The following PEX6 variants were observed in gnomAD, a reference collection of about 807,000 sequenced individuals.
PEX6 encodes peroxisome biogenesis factor 6.
A neutral mutation model predicts 85.6 loss-of-function variants in PEX6; 55 were observed. That is an observed-to-expected ratio of 0.64 (90% CI 0.52 to 0.80). The LOEUF is 0.80. PEX6 is among the 30% of genes least tolerant of loss of function. PEX6 has a pLI of 0.00. For synonymous variants in PEX6, 519 were observed against 549.1 expected, an observed-to-expected ratio of 0.95 and a Z score of 0.77; for missense variants, 1,099 against 1,260.3, an observed-to-expected ratio of 0.87 and a Z score of 1.94.
At chr6:42,970,639 G>C (rs3293) in intron 3 of PEX6, among the ~76,000 whole-genome samples, 1 of 152,072 alleles carries the variant, frequency 6.6e-6, no homozygotes, top group Non-Finnish European at 1.5e-5. Context: ...GTTCTGGAAT[G>C]AAACAGTGAT....
rs146416679 is a variant in PEX6 at position 42,967,495 on chromosome 6, G to A, written c.1757C>T (p.Ala586Val). ...AGGCACCTCGAGCTCATGAGGAAAT[G>A]CTGTCTGCACATCAGCAGGCAGGTC... is the stretch of plus-strand genomic sequence containing the variant. ...AQDLPADVQT[A>V]FPHELEVPAL... Residue 586 changes from alanine to valine, a missense_variant, in exon 8 of 17, where the codon GCA (alanine) becomes GTA (valine). Ala to Val is a moderately conservative substitution (Grantham distance 64). Transcript: ENST00000304611. 92 of 1,610,182 alleles carry A rather than the reference G, an allele frequency of 5.7e-5. No homozygotes were observed. In the African/African-American group the frequency reaches 1.0e-3, roughly 18 times the overall value.
At position 42,969,931 on chromosome 6, in the gene PEX6, G is replaced by A. The variant is rs1275753932; in HGVS notation, c.1187C>T (p.Pro396Leu). The change falls in exon 4 of 17, where the codon CCA becomes CTA. Residue 396 changes from proline to leucine, a missense_variant. Pro to Leu is a moderately conservative substitution (Grantham distance 98). Around this residue, in one of 3 missense-constraint regions of PEX6, gnomAD observed 579 missense variants for 611.6 expected, o/e 0.95. Coordinates refer to ENST00000304611, the MANE Select transcript of PEX6 (RefSeq NM_000287.4). ...GGTGTCGGCCAAGTAGGCACTGGCT[G>A]GTCCATCTGGAGCTTCCCCAACTGT... ...KKTVGEAPDG[P>L]ASAYLADTTH... 9 of 1,614,062 alleles carry A rather than the reference G, an allele frequency of 5.6e-6. No individual in the cohort carries two copies. The highest frequency in any genetic ancestry group is 7.6e-6 in the Non-Finnish European group (9 of 1,180,044).
chr6:42,978,137 G>C, intron 1 of PEX6, 132 bp downstream of exon 1: 1 of 1,140,082 alleles, frequency 8.8e-7, no homozygotes, highest in Non-Finnish European at 1.3e-6. Flanking sequence ...GAGTCACCGC[G>C]CCCGGCTAGA....
chr6:42,969,685 C>A lies in PEX6; in HGVS notation c.1350G>T (p.Lys450Asn). ...TCACTCACCCTGGCTGGAGGCGAGG[C>A]TTCAGGACAGCACAGAGTTCAGACA... ...ALVSELCAVL[K>N]PRLQPGGALL... The change falls in exon 5 of 17, where the codon AAG becomes AAT. Residue 450 changes from lysine to asparagine, a missense_variant. Coordinates refer to ENST00000304611, the MANE Select transcript of PEX6 (RefSeq NM_000287.4). The A allele has an allele frequency of 6.2e-7, 1 of 1,612,914 alleles. No homozygotes were observed. The highest frequency in any genetic ancestry group is 1.1e-5 in the South Asian group (1 of 91,024).
intron 3 of PEX6, among the ~76,000 whole-genome samples, chr6:42,972,769 C>CA (rs3997649): frequency 2.4e-3 from 138 of 57,152 alleles, no homozygotes; most frequent in East Asian, 5.9e-3. Context: ...GACTCTGTCT[C>CA]AAAAAAAAAA....
chr6:42,972,504 C>T (rs997405178), intron 3 of PEX6, among the ~76,000 whole-genome samples: 2 of 152,178 alleles, frequency 1.3e-5, no homozygotes, highest in African/African-American at 4.8e-5. Context: ...GGTGCGGTGG[C>T]TCACGCCTGT....
At position 42,978,698 on chromosome 6, in the gene PEX6, T is replaced by C; in HGVS notation, c.453A>G (p.Pro151=). 1 of 1,548,710 alleles carries C rather than the reference T, an allele frequency of 6.5e-7. No homozygotes were observed. The highest frequency in any genetic ancestry group is 1.2e-5 in the South Asian group (1 of 85,466). Residue 151 remains proline (P), a synonymous_variant, in exon 1 of 17, where the codon CCA becomes CCG. Coordinates refer to ENST00000304611, the MANE Select transcript of PEX6 (RefSeq NM_000287.4). The stretch of plus-strand genomic sequence containing the variant: ...GCTCAGTCACAGCCAGCCGAGTCCC[T>C]GGGCCCAGCAGCCCTTGCAACGCCG... ...TRPALQGLLG[P]GTRLAVTELR...
chr6:42,971,607 C>A lies in PEX6; in HGVS notation c.1131-1620G>T, dbSNP rs1465109122. Among the ~76,000 whole-genome samples, 1 of 152,244 alleles carries A rather than the reference C, an allele frequency of 6.6e-6. No homozygotes were observed. Among genetic ancestry groups the A allele is most frequent in the Non-Finnish European group, 1.5e-5 (1 of 68,046 alleles). Reference sequence around the variant, plus strand: ...CAGTGGAATTCCTTTCCAGGGCTCACAGGAACTTCTGCAGGGCTTCCCTTC... The same window carrying A: ...CAGTGGAATTCCTTTCCAGGGCTCAAAGGAACTTCTGCAGGGCTTCCCTTC... On this transcript the variant is annotated intron_variant, in intron 3 of 16. Coordinates refer to ENST00000304611, the MANE Select transcript of PEX6 (RefSeq NM_000287.4). The surrounding 1 kb of genome is among the most constrained non-coding windows in gnomAD (Gnocchi z 4.4).
rs559993797 is a variant in PEX6 at position 42,969,156 on chromosome 6, C to A, written c.1368-171G>T. Among the ~76,000 whole-genome samples, 26 of 152,354 alleles carry A rather than the reference C, an allele frequency of 1.7e-4. No homozygotes were observed. In the South Asian group the frequency reaches 4.1e-3, roughly 24 times the overall value. On this transcript the variant is annotated intron_variant, in intron 5 of 16. Coordinates refer to ENST00000304611, the MANE Select transcript of PEX6 (RefSeq NM_000287.4). ...TGTAGTGAGGCTGTGTCTCCCACAC[C>A]ACCTGCGGTGCTCTGGCCGGGGCAT... is the stretch of plus-strand genomic sequence containing the variant.
intron 1 of PEX6, among the ~76,000 whole-genome samples, chr6:42,977,505 C>T (rs1770347494): frequency 6.6e-6 from 1 of 151,838 alleles, no homozygotes. Flanking sequence ...GAATATGGAT[C>T]AATAGGCCGG....
chr6:42,972,204 G>C (rs1341715927), intron 3 of PEX6, among the ~76,000 whole-genome samples: 4 of 152,242 alleles, frequency 2.6e-5, no homozygotes, highest in Admixed American at 6.5e-5. Flanking sequence ...GTATGAGTTA[G>C]TGCATCTATC....
At chr6:42,978,080 A>G (rs1384737739) in intron 1 of PEX6, among the ~76,000 whole-genome samples, 189 bp downstream of exon 1, 1 of 152,008 alleles carries the variant, frequency 6.6e-6, no homozygotes, top group Non-Finnish European at 1.5e-5. Flanking sequence ...CCCGACCCCA[A>G]GTGATCCGCT....
chr6:42,964,857 G>A lies in PEX6; in HGVS notation c.2739C>T (p.Asp913=). ...TAGCATCAGAGCAGAGAGAGTAGAG[G>A]TCCGCGCCCGTCAGCTGGGGAGGGC... is the stretch of plus-strand genomic sequence containing the variant. ...DCCPPQLTGA[D]LYSLCSDAMT... The change falls in exon 16 of 17, where the codon GAC becomes GAT. Residue 913 remains aspartate, a synonymous_variant. Coordinates refer to ENST00000304611, the MANE Select transcript of PEX6 (RefSeq NM_000287.4). The surrounding 1 kb of genome is among the most constrained non-coding windows in gnomAD (Gnocchi z 4.6). 6 of 1,614,176 alleles carry A rather than the reference G, an allele frequency of 3.7e-6. No individual in the cohort carries two copies. The highest frequency in any genetic ancestry group is 5.1e-6 in the Non-Finnish European group (6 of 1,180,024).
chr6:42,965,935 T>C lies in PEX6; in HGVS notation c.2362+109A>G. The C allele has an allele frequency of 2.8e-6, 4 of 1,412,288 alleles. No homozygotes were observed. The highest frequency in any genetic ancestry group is 1.2e-5 in the South Asian group (1 of 86,848). The allele number at this position is 1,412,288 out of a possible 1,614,324, so 87.5% of individuals were successfully genotyped here. On this transcript the variant is annotated intron_variant, in intron 12 of 16. Transcript: ENST00000304611. The surrounding 1 kb of genome is among the most constrained non-coding windows in gnomAD (Gnocchi z 5.0). ...CCCAGCTGGGCAGGAACCTGACTTG[T>C]AGAAAGGAGGATTAGGAATGATCAT... is the stretch of plus-strand genomic sequence containing the variant.
chr6:42,968,296 AG>A lies in PEX6; in HGVS notation c.1681del (p.Leu561SerfsTer58), dbSNP rs1200299979. 1.1e-5 allele frequency: 17 copies of A among 1,613,676 alleles called. No homozygotes were observed. The highest frequency in any genetic ancestry group is 1.4e-5 in the Non-Finnish European group (17 of 1,179,716). On this transcript the variant is annotated frameshift_variant, in exon 7 of 17. Transcript: ENST00000304611. LOFTEE classifies it high-confidence loss of function. ...LRHLLLNEDP[L>X]NSCPPLMVVA... Reference sequence around the variant, plus strand: ...CCCAGCTCTGTATAAGTACCTGTTGAGGGGGTCCTCATTGAGGAGGAGGTGA... The same window carrying A: ...CCCAGCTCTGTATAAGTACCTGTTGAGGGGTCCTCATTGAGGAGGAGGTGA...
At chr6:42,969,280 G>A (rs1051520856) in intron 5 of PEX6, among the ~76,000 whole-genome samples, 1 of 152,228 alleles carries the variant, frequency 6.6e-6, no homozygotes, top group African/African-American at 2.4e-5. Context: ...GGTATTGAGA[G>A]ACATTGTGGT....
chr6:42,969,239 A>G (rs1462818847), intron 5 of PEX6, among the ~76,000 whole-genome samples: 1 of 152,250 alleles, frequency 6.6e-6, no homozygotes, highest in Non-Finnish European at 1.5e-5. Flanking sequence ...TGTGCTGCCA[A>G]TAAAACCTCA....
Position 42,967,352 on chromosome 6 carries a change from C to T in PEX6, c.1884+16G>A. On this transcript the variant is annotated intron_variant, in intron 8 of 16. Transcript: ENST00000304611. ...GGACCTCCTAGGGAGGGCCAGTACT[C>T]TCCCTTGATACTCACTGCACACCGC... The T allele has an allele frequency of 6.2e-7, 1 of 1,609,344 alleles. No individual in the cohort carries two copies. The highest frequency in any genetic ancestry group is 8.5e-7 in the Non-Finnish European group (1 of 1,177,934).
chr6:42,975,179 A>C, intron 1 of PEX6, 141 bp from the exon 2 acceptor site: 1 of 757,252 alleles, frequency 1.3e-6, no homozygotes, highest in South Asian at 1.5e-5. Context: ...CTGAGGTAGC[A>C]GACCTGAAAA....
Sources: allele counts gnomAD v4.1 joint callset (sites outside exome capture counted in the v4.1 genomes callset), GRCh38; gene constraint gnomAD v4.1.1; regional missense constraint gnomAD v4.1.1; non-coding constraint Gnocchi (gnomAD v3.1); transcripts MANE v1.5; gene names NCBI Gene and HGNC (gene_info 2026-07-23, HGNC 2026-07-21).